Variants in SULT1C3 observed in about 807,000 individuals in gnomAD.
SULT1C3 encodes sulfotransferase family 1C member 3, also known as sulfotransferase 1C3.
In SULT1C3, 31 loss-of-function variants were observed where a neutral mutation model predicts 28.4. That is an observed-to-expected ratio of 1.09 (90% confidence interval 0.82 to 1.47). The LOEUF (loss-of-function observed/expected upper bound fraction) is 1.47. Among genes scored for constraint, SULT1C3 ranks in the 40% most tolerant of loss-of-function variants. The pLI is 0.00. For missense variants in SULT1C3, 307 were observed against 272.5 expected (o/e 1.13, Z -0.89); for synonymous variants, 106 against 92.2 (o/e 1.15, Z -0.86).
At chr2:108,241,680 C>A (rs999645225) in intron 1 of SULT1C3, among the ~76,000 whole-genome samples, 7 of 152,134 alleles carry the variant, frequency 4.6e-5, no homozygotes, top group South Asian at 4.1e-4. Flanking sequence ...GTAATCCCAG[C>A]ACTTTGGGAG....
chr2:108,254,333 T>A (rs1175597808), intron 4 of SULT1C3, among the ~76,000 whole-genome samples: 1 of 152,012 alleles, frequency 6.6e-6, no homozygotes, highest in Non-Finnish European at 1.5e-5. Flanking sequence ...CATCTCCTCA[T>A]CTTTACTTGC....
At chr2:108,261,084 A>T (rs1052261211), downstream of SULT1C3, among the ~76,000 whole-genome samples, 1 of 152,202 alleles carries the variant, frequency 6.6e-6, no homozygotes, top group Non-Finnish European at 1.5e-5. Flanking sequence ...TGAAGTGTAC[A>T]TTCTATACTT....
At chr2:108,242,799 C>T (rs541061005) in intron 1 of SULT1C3, among the ~76,000 whole-genome samples, 3 of 152,068 alleles carry the variant, frequency 2.0e-5, no homozygotes, top group African/African-American at 7.2e-5. Flanking sequence ...TCTGTTTTTC[C>T]CAAGGAGTCC....
Position 108,247,272 on chromosome 2 carries a change from C to A in SULT1C3, c.78C>A (p.Val26=), listed in dbSNP as rs114486672. Residue 26 remains valine, a synonymous_variant, in exon 2 of 8, where the codon GTC becomes GTA. Transcript: ENST00000681802. ...TTAACATCATGGAAGTAGATGGAGT[C>A]CCTACGTTGATATTATCAAAAGAAT... is the stretch of plus-strand genomic sequence containing the variant. ...ELFNIMEVDG[V]PTLILSKEWW... is the part of the protein sequence containing the mutation. The A allele has an allele frequency of 6.3e-7, 1 of 1,595,428 alleles. No homozygotes were observed. The highest frequency in any genetic ancestry group is 2.3e-5 in the East Asian group (1 of 44,292).
intron 2 of SULT1C3, among the ~76,000 whole-genome samples, chr2:108,250,137 G>A (rs1317477402): frequency 6.6e-6 from 1 of 150,546 alleles, no homozygotes; most frequent in Non-Finnish European, 1.5e-5. Flanking sequence ...ACCCAGTTAA[G>A]AAAATAAAAA....
chr2:108,244,957 TC>T (rs1322737377), intron 1 of SULT1C3, among the ~76,000 whole-genome samples: 1 of 151,878 alleles, frequency 6.6e-6, no homozygotes, highest in African/African-American at 2.4e-5. Flanking sequence ...GATGAAGGAG[TC>T]CCAGTGCTTC....
chr2:108,240,210 G>A (rs981823498), intron 1 of SULT1C3, among the ~76,000 whole-genome samples, 127 bp downstream of exon 1: 1 of 152,174 alleles, frequency 6.6e-6, no homozygotes, highest in African/African-American at 2.4e-5. Flanking sequence ...AGACTTTGCA[G>A]CTCCAAATAA....
intron 2 of SULT1C3, among the ~76,000 whole-genome samples, chr2:108,249,869 T>A (rs2104386081): frequency 6.6e-6 from 1 of 152,168 alleles, no homozygotes; most frequent in Admixed American, 6.6e-5. Context: ...ACTGTTGATA[T>A]TGTTGATAGA....
chr2:108,241,334 C>T (rs1434478734), intron 1 of SULT1C3, among the ~76,000 whole-genome samples: 2 of 152,188 alleles, frequency 1.3e-5, no homozygotes, highest in Non-Finnish European at 2.9e-5. Flanking sequence ...GTTAAGAGTA[C>T]TCATAGATAG....
At chr2:108,265,254 G>A (rs146012391), downstream of SULT1C3, 15 of 1,613,524 alleles carry the variant, frequency 9.3e-6, no homozygotes, top group Admixed American at 3.3e-5. Flanking sequence ...CCTGGAGACT[G>A]GAAGAACTAT....
At chr2:108,255,784 A>G (rs1023231321) in intron 5 of SULT1C3, 86 bp downstream of exon 5, 1 of 1,484,444 alleles carries the variant, frequency 6.7e-7, no homozygotes, top group African/African-American at 1.4e-5. Flanking sequence ...AAAGTTACAA[A>G]AGGCCATCCT....
At chr2:108,262,678 C>T (rs752981699), downstream of SULT1C3, among the ~76,000 whole-genome samples, 1 of 152,178 alleles carries the variant, frequency 6.6e-6, no homozygotes, top group Non-Finnish European at 1.5e-5. Flanking sequence ...TCTTCATCTT[C>T]TAGAGGCATA....
At chr2:108,243,413 C>T (rs1222270071) in intron 1 of SULT1C3, among the ~76,000 whole-genome samples, 3 of 152,008 alleles carry the variant, frequency 2.0e-5, no homozygotes, top group Non-Finnish European at 2.9e-5. Context: ...AGGTGGATCA[C>T]GAGGTCAGGA....
At position 108,249,073 on chromosome 2, in the gene SULT1C3, C is replaced by T. The variant is rs376953725; in HGVS notation, c.172+1707C>T. Among the ~76,000 whole-genome samples the T allele has an allele frequency of 8.6e-4, 131 of 152,268 alleles. No homozygotes were observed. In the South Asian group the frequency reaches 0.026, roughly 30 times the overall value. ...ACTGAATTCTGTTGGCATCTAGGAG[C>T]TTGGCAAAACACCCTGAAGTCCCAG... On this transcript the variant is annotated intron_variant, in intron 2 of 7. Transcript: ENST00000681802.
chr2:108,241,725 A>T (rs929643924), intron 1 of SULT1C3, among the ~76,000 whole-genome samples: 6 of 152,164 alleles, frequency 3.9e-5, no homozygotes, highest in African/African-American at 1.4e-4. Flanking sequence ...CAGGAGATTG[A>T]GAGCATCCTG....
At chr2:108,246,997 T>A (rs1675597409) in intron 1 of SULT1C3, among the ~76,000 whole-genome samples, 191 bp from the exon 2 acceptor site, 1 of 152,222 alleles carries the variant, frequency 6.6e-6, no homozygotes, top group South Asian at 2.1e-4. Flanking sequence ...AAAAAACTAT[T>A]ACCTATTTTA....
intron 4 of SULT1C3, among the ~76,000 whole-genome samples, 160 bp downstream of exon 4, chr2:108,253,602 GAAATCTGC>G (rs1675788917): frequency 6.6e-6 from 1 of 152,000 alleles, no homozygotes; most frequent in Admixed American, 6.6e-5. Flanking sequence ...ACATAAATTT[GAAATCTGC>G]AAACATCCAT....
At chr2:108,260,133 A>G (rs894521920) in intron 7 of SULT1C3, among the ~76,000 whole-genome samples, 4 of 152,142 alleles carry the variant, frequency 2.6e-5, no homozygotes, top group African/African-American at 9.6e-5. Flanking sequence ...CAGTGGATTT[A>G]CTATTTAATT....
intron 1 of SULT1C3, among the ~76,000 whole-genome samples, chr2:108,244,389 T>C (rs1244849574): frequency 4.6e-5 from 7 of 152,146 alleles, no homozygotes; most frequent in African/African-American, 1.4e-4. Context: ...TTATAAACCA[T>C]AAAAGAAGAA....
Sources: allele counts gnomAD v4.1 joint callset (sites outside exome capture counted in the v4.1 genomes callset), GRCh38; gene constraint gnomAD v4.1.1; transcripts MANE v1.5; gene names NCBI Gene and HGNC (gene_info 2026-07-23, HGNC 2026-07-21).